Variants in FARS2 observed in about 807,000 individuals in gnomAD.
The protein encoded by FARS2 is phenylalanine--tRNA ligase, mitochondrial.
Under a neutral mutation model 46.4 loss-of-function variants are expected in FARS2, and 40 were observed. That is an observed-to-expected ratio of 0.86 (90% CI 0.67 to 1.12). The LOEUF is 1.12. Among genes scored for constraint, FARS2 ranks in the 50% most tolerant of loss-of-function variants. The pLI is 0.00. For synonymous variants in FARS2, 234 were observed against 214.9 expected (o/e 1.09, Z -0.78); for missense variants, 513 against 567.9 (o/e 0.90, Z 0.98).
chr6:5,633,262 C>CTTT lies in FARS2; in HGVS notation c.1217+19971_1217+19973dup, dbSNP rs59797062. Among the ~76,000 whole-genome samples, 392 of 50,090 alleles carry CTTT rather than the reference C, an allele frequency of 7.8e-3. 53 individuals carry two copies. Among genetic ancestry groups the CTTT allele is most frequent in the African/African-American group, 0.019 (264 of 13,800 alleles). 32.9% of individuals were successfully genotyped at this position (50,090 alleles called of 152,430 possible). A position where few individuals can be genotyped will look rare whatever the true frequency, so the allele number is the denominator to read the frequency against. On this transcript the variant is annotated intron_variant, in intron 6 of 6. Transcript: ENST00000274680. ...TACAGGTACATGCCACCATCCCTGG[C>CTTT]TTTTTTTTTTTTTTTTTTTTTTTTT...
At chr6:5,596,564 T>TA (rs1218730966) in intron 5 of FARS2, among the ~76,000 whole-genome samples, 1 of 152,240 alleles carries the variant, frequency 6.6e-6, no homozygotes, top group Non-Finnish European at 1.5e-5. Context: ...TTTTAGCTCT[T>TA]AATTGATGAT....
intron 4 of FARS2, among the ~76,000 whole-genome samples, chr6:5,464,231 C>T (rs1049777053): frequency 1.4e-4 from 22 of 152,192 alleles, no homozygotes; most frequent in African/African-American, 5.3e-4. Context: ...TCTTATGTTG[C>T]CACCCAGCTG....
chr6:5,765,656 G>C lies in FARS2; in HGVS notation c.1218-5635G>C, dbSNP rs956501369. 6.6e-6 allele frequency among the ~76,000 whole-genome samples: 1 copy of C among 152,152 alleles called. No individual in the cohort carries two copies. The highest frequency in any genetic ancestry group is 1.5e-5 in the Non-Finnish European group (1 of 68,020). ...ATCTCGGGAGAACATGAGGTTCCAC[G>C]TGGGGTGCGGTGTGGCTGACTTCAT... On this transcript the variant is annotated intron_variant, in intron 6 of 6. Transcript: ENST00000274680. The surrounding 1 kb of genome is among the most constrained non-coding windows in gnomAD (Gnocchi z 4.0).
chr6:5,327,033 C>T (rs944086179), intron 1 of FARS2, among the ~76,000 whole-genome samples: 16 of 152,238 alleles, frequency 1.1e-4, no homozygotes, highest in African/African-American at 3.1e-4. Flanking sequence ...CAGCTTAGGT[C>T]GCTCACCAAT....
At chr6:5,257,149 T>A (rs974029856), upstream of FARS2, among the ~76,000 whole-genome samples, 2 of 152,154 alleles carry the variant, frequency 1.3e-5, no homozygotes, top group African/African-American at 4.8e-5. Flanking sequence ...CATGTCAGGT[T>A]AGTGGCTGCC....
intron 1 of FARS2, among the ~76,000 whole-genome samples, chr6:5,290,615 G>A (rs1454007030): frequency 6.6e-6 from 1 of 152,218 alleles, no homozygotes; most frequent in Admixed American, 6.5e-5. Flanking sequence ...CTCCTATTTT[G>A]ATGACCTGTG....
rs78163041 is a variant in FARS2, at chr6:5,524,236, G to C, written c.905-20944G>C. Among the ~76,000 whole-genome samples, 1,307 of 152,340 alleles carry C rather than the reference G, an allele frequency of 8.6e-3. 16 individuals are homozygous for C. Among genetic ancestry groups the C allele is most frequent in the African/African-American group, 0.029 (1,221 of 41,572 alleles). On this transcript the variant is annotated intron_variant, in intron 4 of 6. Transcript: ENST00000274680. Reference sequence around the variant, plus strand: ...TAAAAGTAGTGAGACCCATAGGAGAGAGGGAACTTGGAAGAGGATGTGTGC... The same window carrying C: ...TAAAAGTAGTGAGACCCATAGGAGACAGGGAACTTGGAAGAGGATGTGTGC...
Position 5,765,515 on chromosome 6 carries a change from A to G in FARS2, c.1218-5776A>G, listed in dbSNP as rs1341024318. 6.6e-6 allele frequency among the ~76,000 whole-genome samples: 1 copy of G among 152,122 alleles called. No homozygotes were observed. The highest frequency in any genetic ancestry group is 6.5e-5 in the Admixed American group (1 of 15,274). ...TGCCCCTCTCAAGAGGTAAGCTCCT[A>G]GCAGGCAGGATAACCTGAAGCCCTC... is the stretch of plus-strand genomic sequence containing the variant. On this transcript the variant is annotated intron_variant, in intron 6 of 6. Transcript: ENST00000274680. This position sits in a 1 kb window ranked among gnomAD's most constrained non-coding sequence, Gnocchi z 4.0.
intron 6 of FARS2, among the ~76,000 whole-genome samples, chr6:5,700,098 A>G (rs1758326406): frequency 6.6e-6 from 1 of 152,220 alleles, no homozygotes; most frequent in Admixed American, 6.5e-5. Flanking sequence ...CTGCCTTCTC[A>G]TGACTGGAGA....
intron 1 of FARS2, among the ~76,000 whole-genome samples, chr6:5,356,755 C>T (rs536158284): frequency 3.3e-5 from 5 of 152,212 alleles, no homozygotes; most frequent in Admixed American, 2.6e-4. Flanking sequence ...TATTTCCCCT[C>T]GGAGCAGCGC....
chr6:5,323,904 C>T (rs1219007430), intron 1 of FARS2, among the ~76,000 whole-genome samples: 1 of 152,210 alleles, frequency 6.6e-6, no homozygotes, highest in Non-Finnish European at 1.5e-5. Context: ...TTCCAAACTC[C>T]TCCCTGACCA....
intron 6 of FARS2, among the ~76,000 whole-genome samples, chr6:5,620,871 G>C (rs73360243): frequency 0.028 from 4,307 of 152,322 alleles, 191 homozygotes; most frequent in African/African-American, 0.094. Flanking sequence ...CAGGTGGACA[G>C]GCCTCCGGCC....
Position 5,771,157 on chromosome 6 carries a change from C to T in FARS2, c.1218-134C>T, listed in dbSNP as rs903848997. The T allele has an allele frequency of 1.5e-5, 13 of 881,738 alleles. No individual in the cohort carries two copies. The Admixed American group carries it at 1.7e-4, about 12-fold the overall frequency. 54.6% of individuals were successfully genotyped at this position (881,738 alleles called of 1,614,324 possible). On this transcript the variant is annotated intron_variant, in intron 6 of 6. Coordinates refer to ENST00000274680, the MANE Select transcript of FARS2 (RefSeq NM_006567.5). ...CCCTGTATAAGATGCAGATTGTTAG[C>T]GGTAAATGGTACCTGGATTCCAACC...
intron 4 of FARS2, among the ~76,000 whole-genome samples, chr6:5,480,322 G>A (rs1397915211): frequency 6.6e-6 from 1 of 152,222 alleles, no homozygotes; most frequent in East Asian, 1.9e-4. Flanking sequence ...AGTGGAGGAT[G>A]TAATTTGTCA....
intron 3 of FARS2, among the ~76,000 whole-genome samples, chr6:5,412,873 T>A (rs186854088): frequency 0.08 from 12,120 of 152,228 alleles, 555 homozygotes; most frequent in East Asian, 0.11. Context: ...TTTTGACTTG[T>A]CTGTACTCGC....
At chr6:5,522,943 GGATCGAAC>G (rs1225622319) in intron 4 of FARS2, among the ~76,000 whole-genome samples, 3 of 152,152 alleles carry the variant, frequency 2.0e-5, no homozygotes, top group Non-Finnish European at 4.4e-5. Flanking sequence ...GCCAGATATG[GGATCGAAC>G]GAAATAGAAA....
chr6:5,416,455 G>C (rs1258056828), intron 3 of FARS2, among the ~76,000 whole-genome samples: 1 of 152,132 alleles, frequency 6.6e-6, no homozygotes, highest in African/African-American at 2.4e-5. Flanking sequence ...TATGTCTGGG[G>C]CTATTTCTGG....
At chr6:5,381,957 G>T (rs62386906) in intron 2 of FARS2, among the ~76,000 whole-genome samples, 33,785 of 152,096 alleles carry the variant, frequency 0.22, 4,712 homozygotes, top group East Asian at 0.41. Context: ...ACAAAGAGCT[G>T]GTTTCTGTTT....
At chr6:5,554,059 T>C (rs1312191333) in intron 5 of FARS2, among the ~76,000 whole-genome samples, 1 of 152,192 alleles carries the variant, frequency 6.6e-6, no homozygotes, top group Non-Finnish European at 1.5e-5. Flanking sequence ...TGAAACTATT[T>C]TCTTTCTTTT....
Sources: gnomAD v4.1 joint callset for allele counts (sites outside exome capture counted in the v4.1 genomes callset) on GRCh38, gnomAD v4.1.1 for gene constraint, Gnocchi (gnomAD v3.1) non-coding constraint, MANE v1.5 for transcripts, NCBI Gene and HGNC (gene_info 2026-07-23, HGNC 2026-07-21) for gene names.